NR3C2: variants seen among roughly 807,000 people sequenced by gnomAD.
The protein encoded by NR3C2 is mineralocorticoid receptor.
A neutral mutation model predicts 86.4 loss-of-function variants in NR3C2; 15 were observed. The observed-to-expected ratio is 0.17, with a 90% CI of 0.12 to 0.27. NR3C2 has a LOEUF of 0.27. Among genes scored for constraint, NR3C2 ranks in the 10% least tolerant of loss-of-function variants. The pLI is 1.00. For missense variants in NR3C2, 960 were observed against 1,195.6 expected (o/e 0.80, Z 2.91); for synonymous variants, 458 against 450.5 (o/e 1.02, Z -0.21).
intron 2 of NR3C2, among the ~76,000 whole-genome samples, chr4:148,308,202 C>T (rs1234812660): frequency 6.6e-6 from 1 of 152,114 alleles, no homozygotes; most frequent in Non-Finnish European, 1.5e-5. Flanking sequence ...TGGAGGTGAG[C>T]AGCCAGTCCT....
At chr4:148,393,319 C>T (rs776743742) in intron 2 of NR3C2, among the ~76,000 whole-genome samples, 23 of 152,212 alleles carry the variant, frequency 1.5e-4, no homozygotes, top group Admixed American at 3.9e-4. Context: ...GACAGGTGTA[C>T]ATTAGAAGCA....
chr4:148,260,979 G>C (rs1481336626), intron 2 of NR3C2, among the ~76,000 whole-genome samples: 1 of 152,172 alleles, frequency 6.6e-6, no homozygotes, highest in Non-Finnish European at 1.5e-5. Context: ...GTACCAAGCA[G>C]GCAAACAAGT....
In NR3C2 at chr4:148,241,655, C is replaced by T. The variant is rs928000106; in HGVS notation, c.1897+18323G>A. Among the ~76,000 whole-genome samples the T allele has an allele frequency of 3.3e-5, 5 of 152,140 alleles. No individual in the cohort carries two copies. In the South Asian group the frequency reaches 6.2e-4, roughly 19 times the overall value. ...TGCGCCATCGGATCATCTTTTCCTTCCCCCACCCATTCTATTTTACCTGTT... is the reference window on the plus strand; with the variant it reads ...TGCGCCATCGGATCATCTTTTCCTTTCCCCACCCATTCTATTTTACCTGTT... On this transcript the variant is annotated intron_variant, in intron 3 of 8. Coordinates refer to ENST00000358102, the MANE Select transcript of NR3C2 (RefSeq NM_000901.5).
intron 2 of NR3C2, among the ~76,000 whole-genome samples, chr4:148,413,506 TAAAGCATCTGTATGA>T (rs1462017951): frequency 6.6e-6 from 1 of 151,930 alleles, no homozygotes; most frequent in East Asian, 1.9e-4. Flanking sequence ...CATCAAAATT[TAAAGCATCTGTATGA>T]AAAAGAACAT....
In NR3C2 at chr4:148,422,769, T is replaced by C. The variant is rs527931610; in HGVS notation, c.1757+12335A>G. Among the ~76,000 whole-genome samples the C allele has an allele frequency of 3.3e-5, 5 of 152,298 alleles. No individual in the cohort carries two copies. In the East Asian group the frequency reaches 7.7e-4, roughly 23 times the overall value. On this transcript the variant is annotated intron_variant, in intron 2 of 8. Coordinates refer to ENST00000358102, the MANE Select transcript of NR3C2 (RefSeq NM_000901.5). ...CAGTAGTTGGCTCTTCCTGTTTCCA[T>C]TTCCTGGGGGTATTTTTTTCTGTAG...
chr4:148,393,733 C>A (rs1054312041), intron 2 of NR3C2, among the ~76,000 whole-genome samples: 1 of 152,186 alleles, frequency 6.6e-6, no homozygotes, highest in Non-Finnish European at 1.5e-5. Context: ...TTTAAACATG[C>A]CAATGATCAC....
At chr4:148,113,227 T>C (rs959000679) in intron 8 of NR3C2, among the ~76,000 whole-genome samples, 7 of 152,190 alleles carry the variant, frequency 4.6e-5, no homozygotes, top group African/African-American at 1.7e-4. Flanking sequence ...AGGTGACTCC[T>C]ATGAAGAATA....
At chr4:148,360,817 T>C (rs1481778622) in intron 2 of NR3C2, among the ~76,000 whole-genome samples, 4 of 152,212 alleles carry the variant, frequency 2.6e-5, no homozygotes, top group Non-Finnish European at 5.9e-5. Flanking sequence ...AATTATATAA[T>C]GCTAACATCA....
chr4:148,206,470 C>T (rs1011956425), intron 3 of NR3C2, among the ~76,000 whole-genome samples: 4 of 152,116 alleles, frequency 2.6e-5, no homozygotes, highest in African/African-American at 7.2e-5. Context: ...TTGTCAAAGC[C>T]GAGTAGATAT....
intron 4 of NR3C2, among the ~76,000 whole-genome samples, 161 bp from the exon 5 acceptor site, chr4:148,155,062 A>G (rs534590460): frequency 6.6e-6 from 1 of 152,308 alleles, no homozygotes; most frequent in South Asian, 2.1e-4. Flanking sequence ...CTCAATTATT[A>G]TTACTTACTA....
chr4:148,201,161 T>C (rs1023816740), intron 3 of NR3C2: 3 of 152,186 alleles, frequency 2.0e-5, no homozygotes, highest in Non-Finnish European at 4.4e-5. Context: ...TCCCCCTGAA[T>C]CACAGATCTG....
chr4:148,136,262 AG>A (rs901918975), intron 6 of NR3C2, among the ~76,000 whole-genome samples: 8 of 151,918 alleles, frequency 5.3e-5, no homozygotes, highest in Middle Eastern at 6.8e-3. Flanking sequence ...ACATGAGATA[AG>A]GAAGGGCTAT....
chr4:148,191,657 TC>T lies in NR3C2; in HGVS notation c.2014+3088del, dbSNP rs764963950. ...TGGCTATTTAACTTAATCCCAGACT[TC>T]CTGGAGGTTTTGTTCATATTTTCTT... is the stretch of plus-strand genomic sequence containing the variant. On this transcript the variant is annotated intron_variant, in intron 4 of 8. Coordinates refer to ENST00000358102, the MANE Select transcript of NR3C2 (RefSeq NM_000901.5). Among the ~76,000 whole-genome samples, 13 of 152,326 alleles carry T rather than the reference TC, an allele frequency of 8.5e-5. 2 individuals are homozygous for T.
intron 2 of NR3C2, among the ~76,000 whole-genome samples, chr4:148,295,008 C>T (rs1298634117): frequency 1.3e-5 from 2 of 151,900 alleles, no homozygotes; most frequent in Admixed American, 6.6e-5. Flanking sequence ...AAATAAAAAT[C>T]TACTTTCTAG....
chr4:148,426,857 T>A (rs146092421), intron 2 of NR3C2, among the ~76,000 whole-genome samples: 1 of 152,216 alleles, frequency 6.6e-6, no homozygotes, highest in South Asian at 2.1e-4. Flanking sequence ...ATATGAAGAA[T>A]GTTTCCAATC....
At chr4:148,339,805 A>G (rs941284269) in intron 2 of NR3C2, among the ~76,000 whole-genome samples, 2 of 152,194 alleles carry the variant, frequency 1.3e-5, no homozygotes, top group African/African-American at 4.8e-5. Flanking sequence ...AGAACCTAAA[A>G]ATTAGATCAA....
rs79364222 is a variant in NR3C2, at chr4:148,325,954, A to G, written c.1758-65837T>C. On this transcript the variant is annotated intron_variant, in intron 2 of 8. Coordinates refer to ENST00000358102, the MANE Select transcript of NR3C2 (RefSeq NM_000901.5). ...TTAATTTTGTTCACTGAATCACAAG[A>G]TTGTTAAGATGTTTGGAGACAAAAT... 3.7e-3 allele frequency among the ~76,000 whole-genome samples: 562 copies of G among 152,342 alleles called. 2 individuals carry two copies. The highest frequency in any genetic ancestry group is 0.013 in the African/African-American group (528 of 41,576).
intron 2 of NR3C2, among the ~76,000 whole-genome samples, chr4:148,362,979 G>A (rs1034385660): frequency 7.2e-5 from 11 of 152,086 alleles, no homozygotes; most frequent in African/African-American, 2.2e-4. Context: ...CAACTACAAC[G>A]GGATGCGGTT....
intron 6 of NR3C2, among the ~76,000 whole-genome samples, chr4:148,130,676 A>C (rs1732977183): frequency 6.6e-6 from 1 of 152,100 alleles, no homozygotes; most frequent in Non-Finnish European, 1.5e-5. Flanking sequence ...GATTTCATAG[A>C]CTTTCAGCTG....
Sources: gnomAD v4.1 joint callset for allele counts (sites outside exome capture counted in the v4.1 genomes callset) on GRCh38, gnomAD v4.1.1 for gene constraint, MANE v1.5 for transcripts, NCBI Gene and HGNC (gene_info 2026-07-23, HGNC 2026-07-21) for gene names.